SORCS2: variants seen among roughly 807,000 people sequenced by gnomAD.
SORCS2 encodes the protein VPS10 domain-containing receptor SorCS2.
In SORCS2, 100 loss-of-function variants were observed where a neutral mutation model predicts 141.6. That is an observed-to-expected ratio of 0.71 (90% CI 0.60 to 0.83). The LOEUF is 0.83. Ranked by LOEUF, SORCS2 falls within the 40% of genes least tolerant of loss-of-function variation. The probability of loss-of-function intolerance (pLI) is 0.00; values close to 1 mark genes in which losing one functional copy is unlikely to be tolerated. For synonymous variants in SORCS2, 789 were observed against 676.9 expected, an observed-to-expected ratio of 1.17 and a Z score of -2.57; for missense variants, 1,646 against 1,560.2, an observed-to-expected ratio of 1.05 and a Z score of -0.93.
chr4:7,662,215 TCCCCACCCTCCCCCCCCTC>T (rs1441054153), intron 6 of SORCS2, among the ~76,000 whole-genome samples: 4 of 128,042 alleles, frequency 3.1e-5, no homozygotes, highest in Admixed American at 7.9e-5. Flanking sequence ...TAGGTGTGGC[TCCCCACCCTCCCCCCCCTC>T]CCCCACCCCC....
chr4:7,281,938 C>T (rs1715912666), intron 1 of SORCS2, among the ~76,000 whole-genome samples: 1 of 152,230 alleles, frequency 6.6e-6, no homozygotes, highest in Non-Finnish European at 1.5e-5. Flanking sequence ...CTCCCAGCTG[C>T]CTGGGCACAC....
At chr4:7,299,878 G>T (rs1028412900) in intron 1 of SORCS2, among the ~76,000 whole-genome samples, 9 of 152,198 alleles carry the variant, frequency 5.9e-5, no homozygotes, top group Non-Finnish European at 8.8e-5. Context: ...GTTGGCCTCC[G>T]CTTGTCCTTC....
At chr4:7,458,225 G>C (rs1729051713) in intron 2 of SORCS2, among the ~76,000 whole-genome samples, 2 of 152,144 alleles carry the variant, frequency 1.3e-5, no homozygotes, top group Non-Finnish European at 2.9e-5. Flanking sequence ...GGGGCTGGCA[G>C]GGAAGTTTGA....
chr4:7,194,497 C>A (rs977319310), intron 1 of SORCS2, among the ~76,000 whole-genome samples: 1 of 152,204 alleles, frequency 6.6e-6, no homozygotes, highest in Admixed American at 6.5e-5. Context: ...CAGCCAGCAT[C>A]TATCAGGGTA....
chr4:7,508,723 T>C (rs1732425886), intron 2 of SORCS2, among the ~76,000 whole-genome samples: 1 of 152,150 alleles, frequency 6.6e-6, no homozygotes, highest in African/African-American at 2.4e-5. Context: ...TAACCAGAAA[T>C]AAAGCCACAG....
At chr4:7,270,193 A>G (rs1329759288) in intron 1 of SORCS2, among the ~76,000 whole-genome samples, 1 of 152,214 alleles carries the variant, frequency 6.6e-6, no homozygotes, top group Non-Finnish European at 1.5e-5. Context: ...TGGATTTTAA[A>G]TCTCATCCAG....
intron 2 of SORCS2, among the ~76,000 whole-genome samples, chr4:7,457,366 C>A (rs908733544): frequency 6.6e-6 from 1 of 152,216 alleles, no homozygotes; most frequent in African/African-American, 2.4e-5. Context: ...GCACCTGGGC[C>A]CCGAGTGGCT....
At chr4:7,692,009 A>G (rs766823174) in intron 11 of SORCS2, among the ~76,000 whole-genome samples, 2 of 150,966 alleles carry the variant, frequency 1.3e-5, no homozygotes, top group Non-Finnish European at 2.9e-5. Flanking sequence ...CACTGTCCCT[A>G]CAAGGGCAGG....
chr4:7,540,687 G>T (rs1215284451), intron 3 of SORCS2, among the ~76,000 whole-genome samples: 4 of 152,218 alleles, frequency 2.6e-5, no homozygotes, highest in Non-Finnish European at 1.5e-5. Context: ...GATGAAGAGA[G>T]TCATGAGGGA....
chr4:7,327,628 C>T (rs1719357011), intron 1 of SORCS2, among the ~76,000 whole-genome samples: 1 of 152,244 alleles, frequency 6.6e-6, no homozygotes, highest in African/African-American at 2.4e-5. Flanking sequence ...GTCCTGTGCT[C>T]ATGCTTTCTG....
At chr4:7,542,297 A>G (rs569456331) in intron 3 of SORCS2, among the ~76,000 whole-genome samples, 16 of 152,240 alleles carry the variant, frequency 1.1e-4, no homozygotes, top group Non-Finnish European at 1.6e-4. Context: ...TGTCCGTGTC[A>G]TAACTCCTCA....
At chr4:7,658,169 G>A (rs2108908530) in intron 5 of SORCS2, among the ~76,000 whole-genome samples, 1 of 152,288 alleles carries the variant, frequency 6.6e-6, no homozygotes, top group East Asian at 1.9e-4. Flanking sequence ...GTGGGTGAGT[G>A]AGTGAGTCTG....
chr4:7,556,834 T>A (rs1181884567), intron 3 of SORCS2, among the ~76,000 whole-genome samples: 1 of 132,640 alleles, frequency 7.5e-6, no homozygotes, highest in Admixed American at 7.5e-5. Flanking sequence ...TACCCATCCA[T>A]CCACCTACCA....
intron 2 of SORCS2, among the ~76,000 whole-genome samples, chr4:7,424,003 C>T (rs1430018976): frequency 2.0e-5 from 3 of 152,204 alleles, no homozygotes; most frequent in Non-Finnish European, 4.4e-5. Context: ...GATGGCAGGG[C>T]GCTCCGTGTC....
intron 1 of SORCS2, among the ~76,000 whole-genome samples, chr4:7,336,825 C>G (rs371131395): frequency 6.3e-4 from 96 of 152,248 alleles, no homozygotes; most frequent in African/African-American, 2.1e-3. Context: ...GGCTCGGGGC[C>G]CAGTTGGCAG....
intron 1 of SORCS2, among the ~76,000 whole-genome samples, chr4:7,242,052 C>T (rs1712738483): frequency 1.3e-5 from 2 of 152,164 alleles, no homozygotes; most frequent in African/African-American, 2.4e-5. Flanking sequence ...TCTGTTATTA[C>T]ATCACCTAGG....
chr4:7,371,620 A>G (rs1722253901), intron 1 of SORCS2, among the ~76,000 whole-genome samples: 1 of 152,156 alleles, frequency 6.6e-6, no homozygotes, highest in Non-Finnish European at 1.5e-5. Context: ...ACATGCCGGC[A>G]TCGTGATCTG....
At chr4:7,439,083 G>A (rs1376194875) in intron 2 of SORCS2, among the ~76,000 whole-genome samples, 1 of 152,078 alleles carries the variant, frequency 6.6e-6, no homozygotes, top group African/African-American at 2.4e-5. Flanking sequence ...TATGAAATGT[G>A]CTCATTGCTC....
chr4:7,727,963 T>C (rs1261924359), intron 21 of SORCS2, among the ~76,000 whole-genome samples: 2 of 152,158 alleles, frequency 1.3e-5, no homozygotes, highest in East Asian at 3.8e-4. Context: ...GCTGACCTCA[T>C]AGGGTGTGTT....
Sources: gnomAD v4.1 joint callset for allele counts (sites outside exome capture counted in the v4.1 genomes callset) on GRCh38, gnomAD v4.1.1 for gene constraint, MANE v1.5 for transcripts, NCBI Gene and HGNC (gene_info 2026-07-23, HGNC 2026-07-21) for gene names.